Variants in CCDC181 observed in about 807,000 individuals in gnomAD.
The protein encoded by CCDC181 is coiled-coil domain containing 181, also known as coiled-coil domain-containing protein 181.
Under a neutral mutation model 58.7 loss-of-function variants are expected in CCDC181, and 35 were observed. That is an observed-to-expected ratio of 0.60 (90% CI 0.46 to 0.79). The LOEUF is 0.79. Ranked by LOEUF, CCDC181 falls within the 30% of genes least tolerant of loss-of-function variation. The probability of loss-of-function intolerance (pLI) is 0.00; values close to 1 mark genes in which losing one functional copy is unlikely to be tolerated. For missense variants in CCDC181, 517 were observed against 583.9 expected, an observed-to-expected ratio of 0.89 and a Z score of 1.18; for synonymous variants, 183 against 197.5, an observed-to-expected ratio of 0.93 and a Z score of 0.62.
upstream of CCDC181, among the ~76,000 whole-genome samples, chr1:169,431,513 A>C (rs1607271): frequency 6.6e-6 from 1 of 152,186 alleles, no homozygotes; most frequent in Non-Finnish European, 1.5e-5. Context: ...CCAGGAATCT[A>C]TCTCCCCACC....
At chr1:169,399,856 T>C (rs868853403) in intron 4 of CCDC181, among the ~76,000 whole-genome samples, 1 of 152,120 alleles carries the variant, frequency 6.6e-6, no homozygotes, top group African/African-American at 2.4e-5. Flanking sequence ...GACAACGGTA[T>C]AGGAAGGAGG....
At chr1:169,432,716 T>G (rs979718619) in intron 2 of CCDC181, among the ~76,000 whole-genome samples, 3 of 152,120 alleles carry the variant, frequency 2.0e-5, no homozygotes, top group African/African-American at 7.2e-5. Context: ...ATCGATGCAG[T>G]ATTCTACATT....
intron 2 of CCDC181, among the ~76,000 whole-genome samples, chr1:169,446,983 T>C (rs1657394272): frequency 1.3e-5 from 2 of 152,214 alleles, no homozygotes; most frequent in Admixed American, 6.5e-5. Context: ...ACACATGTTA[T>C]TTAGAAGTAT....
At position 169,400,181 on chromosome 1, in the gene CCDC181, G is replaced by A. The variant is rs113795671; in HGVS notation, c.1216-2790C>T. On this transcript the variant is annotated intron_variant, in intron 4 of 5. Coordinates refer to ENST00000367806, the MANE Select transcript of CCDC181 (RefSeq NM_001300969.2). ...TGGGAATACTTCATTGCTTACCTTG[G>A]TCAACCACTTACAACCCTAAAAAGG... is the stretch of plus-strand genomic sequence containing the variant. 2.0e-3 allele frequency among the ~76,000 whole-genome samples: 308 copies of A among 152,218 alleles called. 2 individuals carry two copies. Among genetic ancestry groups the A allele is most frequent in the African/African-American group, 7.0e-3 (292 of 41,522 alleles).
chr1:169,408,640 A>G (rs1655802843), intron 4 of CCDC181, among the ~76,000 whole-genome samples: 1 of 152,150 alleles, frequency 6.6e-6, no homozygotes, highest in African/African-American at 2.4e-5. Flanking sequence ...CACCTCACAC[A>G]GGAGAGCTCT....
upstream of CCDC181, among the ~76,000 whole-genome samples, chr1:169,431,022 AAG>A (rs1300713204): frequency 6.6e-6 from 1 of 152,184 alleles, no homozygotes; most frequent in African/African-American, 2.4e-5. Context: ...ATCTGCAGGA[AAG>A]AGGATTTGCC....
intron 2 of CCDC181, among the ~76,000 whole-genome samples, chr1:169,441,114 G>A (rs1164477042): frequency 1.3e-5 from 2 of 152,020 alleles, no homozygotes; most frequent in African/African-American, 4.8e-5. Context: ...CTGCTAAACT[G>A]TGAGTTCTTT....
chr1:169,404,155 T>A (rs185316096), intron 4 of CCDC181, among the ~76,000 whole-genome samples: 14 of 152,094 alleles, frequency 9.2e-5, no homozygotes, highest in Admixed American at 5.9e-4. Flanking sequence ...GGCTCTGAAA[T>A]TGAGGCAATA....
chr1:169,443,321 T>G (rs1657286869), intron 2 of CCDC181: 1 of 152,152 alleles, frequency 6.6e-6, no homozygotes, highest in African/African-American at 2.4e-5. Flanking sequence ...TATGTCCATT[T>G]GCCATAAGGC....
At position 169,395,191 on chromosome 1, in the gene CCDC181, T is replaced by G; in HGVS notation, c.1386A>C (p.Lys462Asn). The G allele has an allele frequency of 6.2e-7, 1 of 1,611,954 alleles. No individual in the cohort carries two copies. Among genetic ancestry groups the G allele is most frequent in the South Asian group, 1.1e-5 (1 of 90,580 alleles). ...GTTGCTCTGCCATTTTTTCCATCCG[T>G]TTCCTTCTTAACCATCTGTAGAAAC... The part of the protein sequence containing the change: ...ERAFKQWLRR[K>N]RMEKMAEQQA... Residue 462 changes from lysine (K) to asparagine (N), a missense_variant, in exon 6 of 6, where the codon AAA becomes AAC. Lys to Asn is a moderately conservative substitution (Grantham distance 94, BLOSUM62 0). Coordinates refer to ENST00000367806, the MANE Select transcript of CCDC181 (RefSeq NM_001300969.2).
chr1:169,402,190 TG>T (rs1395170359), intron 4 of CCDC181, among the ~76,000 whole-genome samples: 2 of 152,182 alleles, frequency 1.3e-5, no homozygotes, highest in Non-Finnish European at 2.9e-5. Context: ...TTGGTGTACC[TG>T]AAAGTGACGG....
At chr1:169,430,387 A>G (rs1656884156), upstream of CCDC181, among the ~76,000 whole-genome samples, 1 of 152,154 alleles carries the variant, frequency 6.6e-6, no homozygotes, top group South Asian at 2.1e-4. Context: ...TTGGCAGTAT[A>G]GTCATTTTCA....
intron 2 of CCDC181, among the ~76,000 whole-genome samples, chr1:169,441,118 GT>G (rs1657217099): frequency 6.6e-6 from 1 of 151,978 alleles, no homozygotes; most frequent in Admixed American, 6.6e-5. Flanking sequence ...TAAACTGTGA[GT>G]TCTTTAAAAG....
chr1:169,406,045 A>G (rs1655629811), intron 4 of CCDC181, among the ~76,000 whole-genome samples: 1 of 152,266 alleles, frequency 6.6e-6, no homozygotes, highest in Non-Finnish European at 1.5e-5. Context: ...CACATGAAAA[A>G]AGGCTCATCA....
intron 4 of CCDC181, among the ~76,000 whole-genome samples, chr1:169,398,945 A>G (rs1655200872): frequency 6.6e-6 from 1 of 152,224 alleles, no homozygotes; most frequent in Non-Finnish European, 1.5e-5. Flanking sequence ...CAGTGGTAAC[A>G]ATAAGAGCAA....
At chr1:169,420,306 A>G (rs1656397883) in intron 3 of CCDC181, among the ~76,000 whole-genome samples, 1 of 152,098 alleles carries the variant, frequency 6.6e-6, no homozygotes, top group Non-Finnish European at 1.5e-5. Flanking sequence ...GCTATTAGTG[A>G]CCAAGTGAAC....
At position 169,422,089 on chromosome 1, in the gene CCDC181, G is replaced by C. The variant is rs748614539; in HGVS notation, c.342C>G (p.Asp114Glu). 4 of 1,613,204 alleles carry C rather than the reference G, an allele frequency of 2.5e-6. No individual in the cohort carries two copies. The highest frequency in any genetic ancestry group is 3.4e-6 in the Non-Finnish European group (4 of 1,179,642). The change falls in exon 3 of 6, where the codon GAC becomes GAG. Residue 114 changes from aspartate (D) to glutamate (E), a missense_variant. Transcript: ENST00000367806. ...CTTCCTCATCCTCTTCCTCCTCCAA[G>C]TCTTTCTGGCTTTCTAGTTTGGATT... ...FQESKLESQK[D>E]LEEEEDEEVR...
intron 2 of CCDC181, among the ~76,000 whole-genome samples, chr1:169,437,276 G>C (rs1657084014): frequency 6.6e-6 from 1 of 152,178 alleles, no homozygotes; most frequent in African/African-American, 2.4e-5. Flanking sequence ...CTCAGGTACT[G>C]ATCTTAAGGG....
intron 4 of CCDC181, among the ~76,000 whole-genome samples, chr1:169,410,246 T>C (rs1655892625): frequency 6.8e-6 from 1 of 147,714 alleles, no homozygotes; most frequent in Non-Finnish European, 1.5e-5. Context: ...GCAATACTAG[T>C]CTCTGATAAA....
Sources: gnomAD v4.1 joint callset for allele counts (sites outside exome capture counted in the v4.1 genomes callset) on GRCh38, gnomAD v4.1.1 for gene constraint, MANE v1.5 for transcripts, NCBI Gene and HGNC (gene_info 2026-07-23, HGNC 2026-07-21) for gene names.